Variants in PCDHGB5 observed in about 807,000 individuals in gnomAD.
PCDHGB5 encodes protocadherin gamma subfamily B, 5.
Under a neutral mutation model 62.9 loss-of-function variants are expected in PCDHGB5, and 48 were observed. The observed-to-expected ratio is 0.76, with a 90% CI of 0.61 to 0.97. The LOEUF is 0.97. PCDHGB5 is among the 50% of genes least tolerant of loss of function. The probability of loss-of-function intolerance (pLI) is 0.00; values close to 1 mark genes in which losing one functional copy is unlikely to be tolerated. For missense variants in PCDHGB5, 1,118 were observed against 1,198.6 expected, an observed-to-expected ratio of 0.93 and a Z score of 0.99; for synonymous variants, 474 against 511.2, an observed-to-expected ratio of 0.93 and a Z score of 0.98.
intron 1 of PCDHGB5, chr5:141,440,968 T>A (rs1487107428): frequency 6.6e-6 from 1 of 152,198 alleles, no homozygotes; most frequent in African/African-American, 2.4e-5. Flanking sequence ...AGATCACATA[T>A]GGCTTCACAA....
At chr5:141,433,397 A>G (rs189987785) in intron 1 of PCDHGB5, among the ~76,000 whole-genome samples, 270 of 150,524 alleles carry the variant, frequency 1.8e-3, no homozygotes, top group Non-Finnish European at 3.1e-3. Context: ...CTATCTATCT[A>G]TCTATCTATT....
At chr5:141,464,604 G>A (rs1445968596) in intron 1 of PCDHGB5, among the ~76,000 whole-genome samples, 1 of 152,106 alleles carries the variant, frequency 6.6e-6, no homozygotes, top group East Asian at 1.9e-4. Context: ...AGTCTCCTTT[G>A]CAGAGTATAT....
chr5:141,428,395 G>A, intron 1 of PCDHGB5: 1 of 488,280 alleles, frequency 2.0e-6, no homozygotes, highest in Non-Finnish European at 3.8e-6. Flanking sequence ...CAGCCCCTCT[G>A]CCTGGGGTTG....
chr5:141,501,333 A>ACACACACC (rs1186649373), intron 2 of PCDHGB5, among the ~76,000 whole-genome samples: 1 of 140,020 alleles, frequency 7.1e-6, no homozygotes, highest in African/African-American at 2.6e-5. Context: ...ACACACACAC[A>ACACACACC]CCCCAAACTC....
intron 1 of PCDHGB5, chr5:141,478,860 A>C: frequency 1.9e-5 from 25 of 1,331,544 alleles, no homozygotes; most frequent in Middle Eastern, 2.6e-4. Context: ...ACAAGATCTC[A>C]GCGATCAGAG....
chr5:141,419,776 C>A (rs965350189), intron 1 of PCDHGB5: 3 of 1,613,908 alleles, frequency 1.9e-6, no homozygotes, highest in African/African-American at 2.7e-5. Flanking sequence ...ACTCGGTCCG[C>A]CAGCGCCTGC....
At chr5:141,420,010 GTC>G in intron 1 of PCDHGB5, 1 of 1,614,088 alleles carries the variant, frequency 6.2e-7, no homozygotes, top group South Asian at 1.1e-5. Context: ...GCCTGCGACA[GTC>G]TTTCAGCCCT....
In PCDHGB5 at chr5:141,421,238, G is replaced by C. The variant is rs920128735; in HGVS notation, c.2397+20714G>C. 3.1e-6 allele frequency: 5 copies of C among 1,597,422 alleles called. No individual in the cohort carries two copies. Among genetic ancestry groups the C allele is most frequent in the African/African-American group, 2.7e-5 (2 of 74,378 alleles). ...GGCTTAGAGCCTGCCATGGCGAATC[G>C]GCTACAGCGCGGGGACCGCAGTCGG... On this transcript the variant is annotated intron_variant, in intron 1 of 3. Transcript: ENST00000617380.
At chr5:141,414,629 G>T in intron 1 of PCDHGB5, 1 of 1,614,000 alleles carries the variant, frequency 6.2e-7, no homozygotes. Context: ...GACCCGGACA[G>T]CAAAGAGAAT....
chr5:141,466,468 T>C (rs1266315455), intron 1 of PCDHGB5, among the ~76,000 whole-genome samples: 1 of 152,368 alleles, frequency 6.6e-6, no homozygotes, highest in East Asian at 1.9e-4. Flanking sequence ...TTGTTTCTGC[T>C]GTTAATTGTA....
At chr5:141,429,848 C>T (rs567448097) in intron 1 of PCDHGB5, among the ~76,000 whole-genome samples, 25 of 152,228 alleles carry the variant, frequency 1.6e-4, no homozygotes, top group African/African-American at 5.8e-4. Context: ...AAGTCTGTAA[C>T]ATTCTTTGGA....
At position 141,477,754 on chromosome 5, in the gene PCDHGB5, C is replaced by T. The variant is rs1325020341; in HGVS notation, c.2398-17053C>T. The T allele has an allele frequency of 3.7e-6, 6 of 1,613,928 alleles. No homozygotes were observed. Among genetic ancestry groups the T allele is most frequent in the Non-Finnish European group, 5.1e-6 (6 of 1,180,046 alleles). On this transcript the variant is annotated intron_variant, in intron 1 of 3. Coordinates refer to ENST00000617380, the MANE Select transcript of PCDHGB5 (RefSeq NM_018925.3). The surrounding 1 kb of genome is among the most constrained non-coding windows in gnomAD (Gnocchi z 4.9). Reference sequence around the variant, plus strand: ...ATATCAGCGATGGGGGCACCCCGGTCCTAGCCACCAACATCAGCGTGAACA... The same window carrying T: ...ATATCAGCGATGGGGGCACCCCGGTTCTAGCCACCAACATCAGCGTGAACA...
chr5:141,450,179 A>G (rs1472867634), intron 1 of PCDHGB5, among the ~76,000 whole-genome samples: 1 of 151,100 alleles, frequency 6.6e-6, no homozygotes, highest in African/African-American at 2.4e-5. Flanking sequence ...CACCACACCC[A>G]GCTAATTTTT....
At chr5:141,461,825 T>C (rs2099024418) in intron 1 of PCDHGB5, among the ~76,000 whole-genome samples, 1 of 151,778 alleles carries the variant, frequency 6.6e-6, no homozygotes, top group African/African-American at 2.4e-5. Context: ...AGCTAATTTT[T>C]TTTTCTTTTT....
At chr5:141,496,892 A>AG (rs1372616572) in intron 2 of PCDHGB5, among the ~76,000 whole-genome samples, 1 of 151,766 alleles carries the variant, frequency 6.6e-6, no homozygotes, top group Non-Finnish European at 1.5e-5. Flanking sequence ...AACACTTAAA[A>AG]AAAAAAAAAA....
intron 1 of PCDHGB5, chr5:141,409,268 A>G (rs753457286): frequency 1.5e-5 from 24 of 1,613,896 alleles, no homozygotes; most frequent in Non-Finnish European, 2.0e-5. Context: ...CTCTGATCAG[A>G]TTTTGGAGAA....
chr5:141,478,040 C>G (rs773058963), intron 1 of PCDHGB5: 1 of 1,614,160 alleles, frequency 6.2e-7, no homozygotes, highest in Non-Finnish European at 8.5e-7. Context: ...TTCACCCAGG[C>G]AGACTCTCAC....
chr5:141,419,777 C>T (rs976849391), intron 1 of PCDHGB5: 3 of 1,614,054 alleles, frequency 1.9e-6, no homozygotes, highest in Admixed American at 3.3e-5. Flanking sequence ...CTCGGTCCGC[C>T]AGCGCCTGCT....
At position 141,511,983 on chromosome 5, in the gene PCDHGB5, G is replaced by A. The variant is rs904146751; in HGVS notation, c.*810G>A. 6.5e-6 allele frequency: 1 copy of A among 153,280 alleles called. No homozygotes were observed. The highest frequency in any genetic ancestry group is 1.5e-5 in the Non-Finnish European group (1 of 68,572). The allele number at this position is 153,280 out of a possible 1,614,324, so 9.5% of individuals were successfully genotyped here. A position where few individuals can be genotyped will look rare whatever the true frequency, so the allele number is the denominator to read the frequency against. ...AGGGAAGTGTGTGGATGTGGATGGT[G>A]GGGGCATGGACAAAGCTTGACACAT... On this transcript the variant is annotated 3_prime_UTR_variant, in exon 4 of 4. Coordinates refer to ENST00000617380, the MANE Select transcript of PCDHGB5 (RefSeq NM_018925.3).
Sources: gnomAD v4.1 joint callset for allele counts (sites outside exome capture counted in the v4.1 genomes callset) on GRCh38, gnomAD v4.1.1 for gene constraint, Gnocchi (gnomAD v3.1) non-coding constraint, MANE v1.5 for transcripts, NCBI Gene and HGNC (gene_info 2026-07-23, HGNC 2026-07-21) for gene names.